PPP2R3B: variants seen among roughly 807,000 people sequenced by gnomAD.
PPP2R3B encodes the protein serine/threonine-protein phosphatase 2A regulatory subunit B'' subunit beta.
A neutral mutation model predicts 72.9 loss-of-function variants in PPP2R3B; 68 were observed. The observed-to-expected ratio is 0.93, with a 90% CI of 0.77 to 1.14. The LOEUF (loss-of-function observed/expected upper bound fraction) is 1.14, where lower values mean the gene tolerates loss of function less well. PPP2R3B is among the 50% of genes most tolerant of loss of function. The pLI, the probability that PPP2R3B is intolerant of heterozygous loss-of-function variation, is 0.00. For synonymous variants in PPP2R3B, 466 were observed against 375.8 expected (o/e 1.24, Z -2.78); for missense variants, 1,018 against 842.0 (o/e 1.21, Z -2.59).
intron 2 of PPP2R3B, among the ~76,000 whole-genome samples, chrX:352,336 G>A (rs1018744700): frequency 6.6e-6 from 1 of 152,242 alleles, no homozygotes; most frequent in Admixed American, 6.5e-5. Flanking sequence ...GACAGGGAAC[G>A]AGGCCGCCAG....
chrX:341,266 C>T (rs1306617609), intron 9 of PPP2R3B, 41 bp downstream of exon 9: 7 of 1,602,662 alleles, frequency 4.4e-6, no homozygotes, highest in Non-Finnish European at 6.0e-6. Context: ...CGGCTCCCGG[C>T]CCCTCCACTG....
intron 2 of PPP2R3B, among the ~76,000 whole-genome samples, chrX:355,748 T>G (rs183267790): frequency 4.6e-5 from 7 of 152,318 alleles, no homozygotes; most frequent in Admixed American, 4.6e-4. Flanking sequence ...TCTGTTTACA[T>G]AAAATTCCAG....
intron 7 of PPP2R3B, 85 bp downstream of exon 7, chrX:345,431 G>T: frequency 6.4e-7 from 1 of 1,561,280 alleles, no homozygotes; most frequent in Non-Finnish European, 8.8e-7. Flanking sequence ...AGTGCGGAAG[G>T]AGAGGCAGCT....
chrX:363,679 CCCCAAGCCCGCGATCCCACAGTGCATCTT>C (rs2071611445), intron 1 of PPP2R3B, among the ~76,000 whole-genome samples: 1 of 141,812 alleles, frequency 7.1e-6, no homozygotes, highest in Non-Finnish European at 1.5e-5. Context: ...CAATGCATCT[CCCCAAGCCCGCGATCCCACAGTGCATCTT>C]CCCGAGCCCA....
At chrX:364,519 A>ACC in intron 1 of PPP2R3B, among the ~76,000 whole-genome samples, 1 of 109,360 alleles carries the variant, frequency 9.1e-6, no homozygotes, top group African/African-American at 4.1e-5. Flanking sequence ...AAAAAAAAAA[A>ACC]ACAAAAAAAA....
chrX:378,890 C>G (rs1000850088), intron 1 of PPP2R3B, among the ~76,000 whole-genome samples: 22 of 152,244 alleles, frequency 1.4e-4, no homozygotes, highest in Non-Finnish European at 3.2e-4. Flanking sequence ...AGTCCCTGGG[C>G]AAGCTCAAGG....
At chrX:354,462 G>A (rs904611601) in intron 2 of PPP2R3B, among the ~76,000 whole-genome samples, 1 of 152,230 alleles carries the variant, frequency 6.6e-6, no homozygotes, top group African/African-American at 2.4e-5. Context: ...ACCTTTTACA[G>A]GACCAAAGGA....
In PPP2R3B at chrX:334,327, CGTG is replaced by C; in HGVS notation, c.*37_*39del. ...GAGCCGCGGTGGCCCGGTGGTGGCA[CGTG>C]GGGAGCGGCCCCGCGGCGGCGTTCT... On this transcript the variant is annotated 3_prime_UTR_variant, in exon 13 of 13. Transcript: ENST00000390665. 2 of 1,445,616 alleles carry C rather than the reference CGTG, an allele frequency of 1.4e-6. No individual in the cohort carries two copies. 89.5% of individuals were successfully genotyped at this position (1,445,616 alleles called of 1,614,324 possible). A position where few individuals can be genotyped will look rare whatever the true frequency, so the allele number is the denominator to read the frequency against.
intron 1 of PPP2R3B, among the ~76,000 whole-genome samples, chrX:385,459 A>G (rs1333417509): frequency 2.0e-5 from 3 of 149,612 alleles, no homozygotes; most frequent in African/African-American, 7.4e-5. Flanking sequence ...TACATTAGCC[A>G]GAGGCTGCGC....
chrX:386,743 C>T lies in PPP2R3B; in HGVS notation c.-52G>A, dbSNP rs1457922372. 5 of 1,153,184 alleles carry T rather than the reference C, an allele frequency of 4.3e-6. No homozygotes were observed. Among genetic ancestry groups the T allele is most frequent in the South Asian group, 8.3e-5 (2 of 24,178 alleles). 71.4% of individuals were successfully genotyped at this position (1,153,184 alleles called of 1,614,324 possible). A position where few individuals can be genotyped will look rare whatever the true frequency, so the allele number is the denominator to read the frequency against. On this transcript the variant is annotated 5_prime_UTR_variant, in exon 1 of 13. Coordinates refer to ENST00000390665, the MANE Select transcript of PPP2R3B (RefSeq NM_013239.5). ...CGGACGCCCGCGCCCCGCCCCGCCC[C>T]GGGGGCTTCGGTCCGCCCCGGACCG...
At chrX:347,545 G>A (rs767139937) in intron 3 of PPP2R3B, 45 bp downstream of exon 3, 11 of 1,534,416 alleles carry the variant, frequency 7.2e-6, no homozygotes, top group South Asian at 2.4e-5. Context: ...ACCCGGGGAC[G>A]CCTCCGCCCT....
chrX:360,610 G>A (rs2071519257), intron 2 of PPP2R3B, among the ~76,000 whole-genome samples: 1 of 152,210 alleles, frequency 6.6e-6, no homozygotes, highest in African/African-American at 2.4e-5. Context: ...GGAGAGGGCT[G>A]GGGGGCAGGG....
At chrX:358,239 C>A (rs1344609630) in intron 2 of PPP2R3B, among the ~76,000 whole-genome samples, 1 of 152,266 alleles carries the variant, frequency 6.6e-6, no homozygotes, top group African/African-American at 2.4e-5. Flanking sequence ...CTGGGCGCCA[C>A]CGAGACAGGC....
Sources: allele counts gnomAD v4.1 joint callset (sites outside exome capture counted in the v4.1 genomes callset), GRCh38; gene constraint gnomAD v4.1.1; transcripts MANE v1.5; gene names NCBI Gene and HGNC (gene_info 2026-07-23, HGNC 2026-07-21).